JAK1: variants seen among roughly 807,000 people sequenced by gnomAD.
JAK1 encodes tyrosine-protein kinase JAK1.
A neutral mutation model predicts 136.6 loss-of-function variants in JAK1; 16 were observed. The observed-to-expected ratio is 0.12, with a 90% CI of 0.08 to 0.18. The LOEUF is 0.18. Among genes scored for constraint, JAK1 ranks in the 10% least tolerant of loss-of-function variants. The pLI, the probability that JAK1 is intolerant of heterozygous loss-of-function variation, is 1.00. For synonymous variants in JAK1, 492 were observed against 519.5 expected, an observed-to-expected ratio of 0.95 and a Z score of 0.72; for missense variants, 859 against 1,450.1, an observed-to-expected ratio of 0.59 and a Z score of 6.62.
intron 4 of JAK1, among the ~76,000 whole-genome samples, chr1:64,874,736 A>G (rs1316739400): frequency 6.6e-6 from 1 of 152,184 alleles, no homozygotes; most frequent in East Asian, 1.9e-4. Flanking sequence ...GAACCATGTC[A>G]TGGAGAAGCA....
chr1:64,957,940 T>C (rs1646220157), intron 1 of JAK1, among the ~76,000 whole-genome samples: 1 of 23,940 alleles, frequency 4.2e-5, no homozygotes, highest in Non-Finnish European at 1.0e-4. Context: ...CGAGACTCCG[T>C]CTCAAAAAAA....
At chr1:64,888,874 T>A (rs561658251) in intron 1 of JAK1, among the ~76,000 whole-genome samples, 32 of 152,250 alleles carry the variant, frequency 2.1e-4, no homozygotes, top group African/African-American at 7.2e-4. Flanking sequence ...AACAACAAAA[T>A]CTCTACTCTC....
At chr1:64,869,590 T>G in intron 5 of JAK1, 116 bp from the exon 6 acceptor site, 1 of 771,784 alleles carries the variant, frequency 1.3e-6, no homozygotes, top group South Asian at 1.7e-5. Flanking sequence ...CGAATCAGAT[T>G]GGCAGTTTCT....
rs143495350 is a variant in JAK1 at position 64,888,543 on chromosome 1, G to A, written c.-77-2202C>T. 9.5e-4 allele frequency among the ~76,000 whole-genome samples: 145 copies of A among 152,304 alleles called. 1 individual carries two copies. The highest frequency in any genetic ancestry group is 3.2e-3 in the African/African-American group (132 of 41,558). ...TGTGTTACTTCAACTTAGGAGTCAT[G>A]GAACTTCTCTTAGCCTCATGTAAGA... On this transcript the variant is annotated intron_variant, in intron 1 of 24. Transcript: ENST00000342505.
intron 4 of JAK1, chr1:64,876,069 G>A (rs1402738722): frequency 1.3e-5 from 2 of 152,270 alleles, no homozygotes; most frequent in African/African-American, 4.8e-5. Context: ...AAGGTTTCCC[G>A]AGATAAGGAA....
intron 17 of JAK1, among the ~76,000 whole-genome samples, chr1:64,842,311 T>G (rs2780818): frequency 0.36 from 54,573 of 152,120 alleles, 11,731 homozygotes; most frequent in African/African-American, 0.61. Context: ...TTTTAAAAAT[T>G]TTCTTCAACT....
intron 2 of JAK1, among the ~76,000 whole-genome samples, chr1:65,027,482 CT>C (rs1201506789): frequency 1.2e-4 from 18 of 152,152 alleles, no homozygotes; most frequent in African/African-American, 3.1e-4. Context: ...TTTTGTTCCG[CT>C]TCCTGTCAAT....
At chr1:64,846,797 G>T in intron 13 of JAK1, 61 bp from the exon 14 acceptor site, 1 of 1,351,878 alleles carries the variant, frequency 7.4e-7, no homozygotes, top group Non-Finnish European at 1.0e-6. Flanking sequence ...GCTCCCCAGG[G>T]GCTCTGTTGA....
rs1273389749 is a variant in JAK1 at position 64,839,481 on chromosome 1, G to C, written c.2842+122C>G. 1.2e-4 allele frequency: 94 copies of C among 816,526 alleles called. 2 individuals carry two copies. The East Asian group carries it at 2.4e-3, about 21-fold the overall frequency. 50.6% of individuals were successfully genotyped at this position (816,526 alleles called of 1,614,324 possible). The stretch of plus-strand genomic sequence containing the variant: ...ACTTGGAAGCCTTGAGAGTGTGTGG[G>C]AACCACCAGCTAGCATGTCAGACGC... On this transcript the variant is annotated intron_variant, in intron 20 of 24. Transcript: ENST00000342505.
In JAK1 at chr1:65,063,661, C is replaced by T. The variant is rs569171140; in HGVS notation, c.-181+3943G>A. On this transcript the variant is annotated intron_variant, in intron 1 of 25. Transcript: ENST00000671954. ...TCTACTAAAAATACAAAAAATCTGC[C>T]GGGCGTGGTGGCACACACCTGTAGT... Among the ~76,000 whole-genome samples the T allele has an allele frequency of 1.3e-4, 19 of 151,958 alleles. No individual in the cohort carries two copies. The South Asian group carries it at 1.9e-3, about 15-fold the overall frequency.
intron 2 of JAK1, among the ~76,000 whole-genome samples, chr1:65,006,024 T>C (rs1045291875): frequency 1.4e-4 from 22 of 152,226 alleles, no homozygotes; most frequent in African/African-American, 5.1e-4. Flanking sequence ...AATGTTTCAC[T>C]AACCTTGATG....
In JAK1 at chr1:64,844,109, G is replaced by C. The variant is rs1655078601; in HGVS notation, c.2358C>G (p.Ile786Met). The C allele has an allele frequency of 6.2e-7, 1 of 1,614,082 alleles. No individual in the cohort carries two copies. Among genetic ancestry groups the C allele is most frequent in the Non-Finnish European group, 8.5e-7 (1 of 1,180,046 alleles). ...KWSFGTTLWE[I>M]CYNGEIPLKD... Reference sequence around the variant, plus strand: ...TCAAGGGGATCTCGCCATTGTAGCAGATTTCCCAGAGCGTGGTTCCAAAGC... The same window carrying C: ...TCAAGGGGATCTCGCCATTGTAGCACATTTCCCAGAGCGTGGTTCCAAAGC... Residue 786 changes from isoleucine (I) to methionine (M), a missense_variant, in exon 17 of 25, where the codon ATC becomes ATG. Transcript: ENST00000342505. This position sits in a 1 kb window ranked among gnomAD's most constrained non-coding sequence, Gnocchi z 5.7.
At chr1:64,866,451 A>C (rs1656712613) in intron 7 of JAK1, among the ~76,000 whole-genome samples, 1 of 152,248 alleles carries the variant, frequency 6.6e-6, no homozygotes, top group Non-Finnish European at 1.5e-5. Flanking sequence ...CTTATTAGTT[A>C]TGACCTTGGG....
intron 1 of JAK1, among the ~76,000 whole-genome samples, chr1:65,045,756 T>C (rs1013945610): frequency 2.0e-5 from 3 of 152,224 alleles, no homozygotes; most frequent in Non-Finnish European, 4.4e-5. Flanking sequence ...TCATCACTCC[T>C]TTAAAATATC....
At position 65,038,835 on chromosome 1, in the gene JAK1, G is replaced by A. The variant is rs532165436; in HGVS notation, c.-78+5645C>T. ...TGTACTTTTAGTAGAGACGGGTTTTGCCATGTTGGCCACGCTGATCTCAAA... is the reference window on the plus strand; with the variant it reads ...TGTACTTTTAGTAGAGACGGGTTTTACCATGTTGGCCACGCTGATCTCAAA... On this transcript the variant is annotated intron_variant, in intron 2 of 25. Coordinates refer to the JAK1 transcript ENST00000671954. Among the ~76,000 whole-genome samples, 330 of 151,764 alleles carry A rather than the reference G, an allele frequency of 2.2e-3. 3 individuals carry two copies. The highest frequency in any genetic ancestry group is 7.7e-3 in the African/African-American group (317 of 41,368).
intron 11 of JAK1, among the ~76,000 whole-genome samples, chr1:64,853,485 T>G (rs564760936): frequency 5.8e-4 from 88 of 152,302 alleles, no homozygotes; most frequent in Non-Finnish European, 9.3e-4. Context: ...CTGGGTTATT[T>G]TGAGGACTAA....
At chr1:64,868,809 G>A (rs560230956) in intron 6 of JAK1, among the ~76,000 whole-genome samples, 54 of 152,246 alleles carry the variant, frequency 3.5e-4, no homozygotes, top group Non-Finnish European at 5.3e-4. Flanking sequence ...GATCTCAAAC[G>A]ATATTTTTAA....
At chr1:64,929,916 A>G (rs192562742) in intron 1 of JAK1, among the ~76,000 whole-genome samples, 1 of 152,358 alleles carries the variant, frequency 6.6e-6, no homozygotes, top group East Asian at 1.9e-4. Flanking sequence ...AATCTGACCT[A>G]AACAAGCAAT....
intron 24 of JAK1, among the ~76,000 whole-genome samples, chr1:64,834,884 A>G (rs1458349935): frequency 2.0e-5 from 3 of 152,220 alleles, no homozygotes; most frequent in African/African-American, 7.2e-5. Context: ...ACTGGCTGCA[A>G]TAAAATCCAG....
Sources: gnomAD v4.1 joint callset for allele counts (sites outside exome capture counted in the v4.1 genomes callset) on GRCh38, gnomAD v4.1.1 for gene constraint, Gnocchi (gnomAD v3.1) non-coding constraint, MANE v1.5 for transcripts, NCBI Gene and HGNC (gene_info 2026-07-23, HGNC 2026-07-21) for gene names.